CLTC: variants seen among roughly 807,000 people sequenced by gnomAD.
CLTC encodes the protein clathrin heavy chain 1.
Under a neutral mutation model 195.8 loss-of-function variants are expected in CLTC, and 16 were observed. The observed-to-expected ratio is 0.08, with a 90% CI of 0.06 to 0.12. The LOEUF (loss-of-function observed/expected upper bound fraction) is 0.12. Ranked by LOEUF, CLTC falls within the 10% of genes least tolerant of loss-of-function variation. The pLI, the probability that CLTC is intolerant of heterozygous loss-of-function variation, is 1.00. For synonymous variants in CLTC, 667 were observed against 689.4 expected (o/e 0.97, Z 0.51); for missense variants, 796 against 2,027.0 (o/e 0.39, Z 11.66).
chr17:59,674,142 A>G (rs965428559), intron 15 of CLTC, among the ~76,000 whole-genome samples: 1 of 151,866 alleles, frequency 6.6e-6, no homozygotes, highest in Non-Finnish European at 1.5e-5. Flanking sequence ...CGACTCAGGG[A>G]AGGGGGAAAA....
intron 1 of CLTC, among the ~76,000 whole-genome samples, chr17:59,632,143 C>T (rs1280921382): frequency 3.3e-5 from 5 of 151,768 alleles, no homozygotes; most frequent in South Asian, 4.2e-4. Context: ...GTGAGGCGGG[C>T]GGATCACGAG....
rs1598193815 is a variant in CLTC at position 59,619,929 on chromosome 17, G to T, written c.-203G>T. 1.8e-6 allele frequency: 1 copy of T among 541,576 alleles called. No homozygotes were observed. Among genetic ancestry groups the T allele is most frequent in the East Asian group, 3.0e-5 (1 of 33,438 alleles). 33.5% of individuals were successfully genotyped at this position (541,576 alleles called of 1,614,324 possible). A position where few individuals can be genotyped will look rare whatever the true frequency, so the allele number is the denominator to read the frequency against. On this transcript the variant is annotated 5_prime_UTR_variant, in exon 1 of 32. Transcript: ENST00000269122. ...CGGAGTCTGCGCTGCGCCCGGTTCC[G>T]CCATTGCGGCTCTCCTGGCCCCTGG...
At position 59,620,185 on chromosome 17, in the gene CLTC, C is replaced by T; in HGVS notation, c.42+12C>T. ...AGGAGCATCTCCAGGTGCGGCCGGGCCCGGGCTGGTGAGGGCTGTGGAGAA... is the reference window on the plus strand; with the variant it reads ...AGGAGCATCTCCAGGTGCGGCCGGGTCCGGGCTGGTGAGGGCTGTGGAGAA... On this transcript the variant is annotated intron_variant, in intron 1 of 31. Transcript: ENST00000269122. 1.2e-6 allele frequency: 2 copies of T among 1,613,910 alleles called. No homozygotes were observed. The highest frequency in any genetic ancestry group is 1.1e-5 in the South Asian group (1 of 91,064).
chr17:59,636,932 C>CTTTTTTTTTTTTT (rs771908096), intron 1 of CLTC, among the ~76,000 whole-genome samples: 26 of 103,652 alleles, frequency 2.5e-4, no homozygotes, highest in African/African-American at 5.6e-4. Context: ...CCGGCTAATT[C>CTTTTTTTTTTTTT]TTTTTTTTTT....
In CLTC at chr17:59,696,531, GT is replaced by G. The variant is rs1259663935; in HGVS notation, c.*2682del. 8.7e-6 allele frequency: 1 copy of G among 115,096 alleles called. No homozygotes were observed. The highest frequency in any genetic ancestry group is 1.7e-5 in the Non-Finnish European group (1 of 58,562). 7.1% of individuals were successfully genotyped at this position (115,096 alleles called of 1,614,324 possible). On this transcript the variant is annotated 3_prime_UTR_variant, in exon 32 of 32. Transcript: ENST00000269122. ...ATCCTCCTAAAAGAAGGCTTAAATA[GT>G]TTCTAACAAGATGACTATCAGGAAG... is the stretch of plus-strand genomic sequence containing the variant.
At chr17:59,657,209 C>T (rs2143531564) in intron 6 of CLTC, among the ~76,000 whole-genome samples, 1 of 152,110 alleles carries the variant, frequency 6.6e-6, no homozygotes, top group South Asian at 2.1e-4. Flanking sequence ...GGGAGTGCAT[C>T]CCTACCTACC....
rs754018228 is a variant in CLTC at position 59,685,857 on chromosome 17, A to T, written c.4827+49A>T. The T allele has an allele frequency of 1.4e-5, 19 of 1,337,676 alleles. No homozygotes were observed. The South Asian group carries it at 2.6e-4, about 18-fold the overall frequency. 82.9% of individuals were successfully genotyped at this position (1,337,676 alleles called of 1,614,324 possible). Reference sequence around the variant, plus strand: ...CAGAACTAGTTTCCTTGCATGTAAAATTCTACATGCACATTAATTTTTTTA... The same window carrying T: ...CAGAACTAGTTTCCTTGCATGTAAATTTCTACATGCACATTAATTTTTTTA... On this transcript the variant is annotated intron_variant, in intron 30 of 31. Coordinates refer to ENST00000269122, the MANE Select transcript of CLTC (RefSeq NM_004859.4). This position sits in a 1 kb window ranked among gnomAD's most constrained non-coding sequence, Gnocchi z 5.0.
chr17:59,669,641 ATAGC>A (rs1352487625), intron 14 of CLTC, among the ~76,000 whole-genome samples: 1 of 152,172 alleles, frequency 6.6e-6, no homozygotes, highest in African/African-American at 2.4e-5. Context: ...TTTAAAATTG[ATAGC>A]TATCTATAAA....
intron 2 of CLTC, among the ~76,000 whole-genome samples, chr17:59,645,424 A>G (rs2032165504): frequency 2.0e-5 from 3 of 152,202 alleles, no homozygotes; most frequent in Admixed American, 2.0e-4. Context: ...AGACTCTTAG[A>G]CTGTCACGGA....
At position 59,696,700 on chromosome 17, in the gene CLTC, A is replaced by G. The variant is rs992232263; in HGVS notation, c.*2848A>G. The stretch of plus-strand genomic sequence containing the variant: ...TTAATTGTCAAAGTTAGTTCTAGGA[A>G]AAAATACTAGCAGGGATGACAAACT... On this transcript the variant is annotated 3_prime_UTR_variant, in exon 32 of 32. Transcript: ENST00000269122. 1.4e-5 allele frequency: 3 copies of G among 207,928 alleles called. No homozygotes were observed. The highest frequency in any genetic ancestry group is 2.9e-5 in the Non-Finnish European group (3 of 102,128). 12.9% of individuals were successfully genotyped at this position (207,928 alleles called of 1,614,324 possible). A position where few individuals can be genotyped will look rare whatever the true frequency, so the allele number is the denominator to read the frequency against.
chr17:59,654,118 G>GCCTC (rs1342541598), intron 5 of CLTC, among the ~76,000 whole-genome samples: 2 of 152,196 alleles, frequency 1.3e-5, no homozygotes, highest in East Asian at 3.9e-4. Flanking sequence ...TTCTGCCTCA[G>GCCTC]CCTCCTCTGT....
At chr17:59,626,462 G>C (rs1377359234) in intron 1 of CLTC, among the ~76,000 whole-genome samples, 1 of 152,140 alleles carries the variant, frequency 6.6e-6, no homozygotes, top group Non-Finnish European at 1.5e-5. Flanking sequence ...AAAACTTAAT[G>C]AATCATATCG....
At position 59,655,935 on chromosome 17, in the gene CLTC, A is replaced by G. The variant is rs141466492; in HGVS notation, c.877A>G (p.Ile293Val). The change falls in exon 6 of 32, where the codon ATC (isoleucine) becomes GTC (valine). Residue 293 changes from isoleucine to valine, a missense_variant. Physicochemically the swap from Ile to Val is conservative, Grantham distance 29. This residue lies in a region of CLTC where 293 missense variants were observed against 795.6 expected (regional missense o/e 0.37). Coordinates refer to ENST00000269122, the MANE Select transcript of CLTC (RefSeq NM_004859.4). ...HLYDLETGTCIYMNRISGETI... is the reference protein window; with the variant it reads ...HLYDLETGTCVYMNRISGETI... ...CTATGATCTTGAGACTGGTACCTGCATCTACATGAATAGAATCAGTGGAGA... is the reference window on the plus strand; with the variant it reads ...CTATGATCTTGAGACTGGTACCTGCGTCTACATGAATAGAATCAGTGGAGA... 2.0e-5 allele frequency: 33 copies of G among 1,612,974 alleles called. No individual in the cohort carries two copies. In the African/African-American group the frequency reaches 3.9e-4, roughly 19 times the overall value.
Position 59,677,050 on chromosome 17 carries a change from T to C in CLTC, c.2658T>C (p.Ser886=). ...HNALAKIYID[S]NNNPERFLRE... is the part of the protein sequence containing the mutation. ...CCTTAGCCAAAATCTACATAGACAGTAATAACAACCCGGAGAGATTTCTTC... is the reference window on the plus strand; with the variant it reads ...CCTTAGCCAAAATCTACATAGACAGCAATAACAACCCGGAGAGATTTCTTC... Residue 886 remains serine, a synonymous_variant, in exon 17 of 32, where the codon AGT becomes AGC. Coordinates refer to ENST00000269122, the MANE Select transcript of CLTC (RefSeq NM_004859.4). 2 of 1,614,078 alleles carry C rather than the reference T, an allele frequency of 1.2e-6. No homozygotes were observed. The highest frequency in any genetic ancestry group is 1.7e-6 in the Non-Finnish European group (2 of 1,179,982).
At chr17:59,643,132 G>GGT (rs59380117) in intron 1 of CLTC, among the ~76,000 whole-genome samples, 4,193 of 142,276 alleles carry the variant, frequency 0.029, 75 homozygotes, top group East Asian at 0.049. Flanking sequence ...TCTTTTCTGG[G>GGT]GTGTGTGTGT....
Position 59,666,408 on chromosome 17 carries a change from C to T in CLTC, c.1783-72C>T. The T allele has an allele frequency of 6.5e-7, 1 of 1,546,094 alleles. No homozygotes were observed. Among genetic ancestry groups the T allele is most frequent in the South Asian group, 1.2e-5 (1 of 83,978 alleles). ...TAACAGTTCACTATTAAACCTTAAT[C>T]TGTAATACGGATATTGAATTACTCA... On this transcript the variant is annotated intron_variant, in intron 11 of 31. Coordinates refer to ENST00000269122, the MANE Select transcript of CLTC (RefSeq NM_004859.4). The surrounding 1 kb of genome is among the most constrained non-coding windows in gnomAD (Gnocchi z 4.9).
In CLTC at chr17:59,696,915, A is replaced by C. The variant is rs1288888610; in HGVS notation, c.*3063A>C. The C allele has an allele frequency of 5.1e-6, 1 of 196,438 alleles. No homozygotes were observed. The highest frequency in any genetic ancestry group is 1.1e-5 in the Non-Finnish European group (1 of 94,582). 12.2% of individuals were successfully genotyped at this position (196,438 alleles called of 1,614,324 possible). A position where few individuals can be genotyped will look rare whatever the true frequency, so the allele number is the denominator to read the frequency against. ...GGCCAGTATGGGTCAGGGAAGGTGA[A>C]CATGAAACACTGCACAGTAGGTTGT... On this transcript the variant is annotated 3_prime_UTR_variant, in exon 32 of 32. Transcript: ENST00000269122.
At chr17:59,679,371 A>C in intron 17 of CLTC, 26 bp from the exon 18 acceptor site, 7 of 1,569,982 alleles carry the variant, frequency 4.5e-6, no homozygotes, top group Non-Finnish European at 6.1e-6. Flanking sequence ...TTTTACCTTG[A>C]AATTAATCTA....
At chr17:59,634,472 T>C (rs2031808636) in intron 1 of CLTC, among the ~76,000 whole-genome samples, 1 of 152,154 alleles carries the variant, frequency 6.6e-6, no homozygotes, top group African/African-American at 2.4e-5. Flanking sequence ...AAATATAAAG[T>C]TTTTGAAAAT....
Sources: gnomAD v4.1 joint callset for allele counts (sites outside exome capture counted in the v4.1 genomes callset) on GRCh38, gnomAD v4.1.1 for gene constraint, gnomAD v4.1.1 regional missense constraint, Gnocchi (gnomAD v3.1) non-coding constraint, MANE v1.5 for transcripts, NCBI Gene and HGNC (gene_info 2026-07-23, HGNC 2026-07-21) for gene names.